Variants in COL28A1 observed in about 807,000 individuals in gnomAD.
COL28A1 encodes collagen type XXVIII alpha 1 chain, also known as collagen alpha-1(XXVIII) chain.
A neutral mutation model predicts 150.2 loss-of-function variants in COL28A1; 161 were observed. The observed-to-expected ratio is 1.07, with a 90% CI of 0.94 to 1.22. The LOEUF (loss-of-function observed/expected upper bound fraction) is 1.22. COL28A1 is among the 50% of genes most tolerant of loss of function. The probability of loss-of-function intolerance (pLI) is 0.00; values close to 1 mark genes in which losing one functional copy is unlikely to be tolerated. For missense variants in COL28A1, 1,617 were observed against 1,388.3 expected (o/e 1.16, Z -2.62); for synonymous variants, 552 against 469.7 (o/e 1.18, Z -2.26).
intron 27 of COL28A1, among the ~76,000 whole-genome samples, chr7:7,405,797 T>C (rs984401998): frequency 2.0e-5 from 3 of 152,172 alleles, no homozygotes; most frequent in Non-Finnish European, 4.4e-5. Context: ...CAATATTGCA[T>C]AATGATTGGC....
chr7:7,461,044 T>C (rs1213293532), intron 15 of COL28A1, among the ~76,000 whole-genome samples: 2 of 152,308 alleles, frequency 1.3e-5, no homozygotes, highest in East Asian at 3.9e-4. Flanking sequence ...AGGGAATGGA[T>C]TGCTCCTGCA....
chr7:7,537,007 G>C (rs1308346821), upstream of COL28A1, among the ~76,000 whole-genome samples: 1 of 152,122 alleles, frequency 6.6e-6, no homozygotes, highest in Non-Finnish European at 1.5e-5. Context: ...AAGCTCTTAT[G>C]GCATATTCCT....
intron 14 of COL28A1, among the ~76,000 whole-genome samples, chr7:7,476,009 T>C (rs1393514003): frequency 6.6e-6 from 1 of 152,198 alleles, no homozygotes; most frequent in East Asian, 1.9e-4. Flanking sequence ...TTCCCTCTAG[T>C]AGAGATTTAG....
At chr7:7,349,078 A>G in the COL28A1 span, among the ~76,000 whole-genome samples, 3 of 152,058 alleles carry the variant, frequency 2.0e-5, no homozygotes, top group Non-Finnish European at 4.4e-5. Context: ...CTTCTTTTCA[A>G]TCAATTCAAA....
intron 33 of COL28A1, among the ~76,000 whole-genome samples, chr7:7,369,443 A>T (rs912427848): frequency 1.3e-5 from 2 of 152,250 alleles, no homozygotes; most frequent in Non-Finnish European, 2.9e-5. Context: ...ACAGAAATCA[A>T]ATTACCTGAA....
At chr7:7,407,062 C>T (rs1783529349) in intron 27 of COL28A1, among the ~76,000 whole-genome samples, 1 of 151,562 alleles carries the variant, frequency 6.6e-6, no homozygotes, top group Non-Finnish European at 1.5e-5. Flanking sequence ...GGTTAAATGA[C>T]AGATTTGATA....
intron 33 of COL28A1, among the ~76,000 whole-genome samples, chr7:7,365,046 A>G (rs148333191): frequency 8.5e-5 from 13 of 152,192 alleles, no homozygotes; most frequent in African/African-American, 2.4e-4. Flanking sequence ...CATGACTTCC[A>G]ACTCTAAAAG....
chr7:7,503,618 G>A (rs1780651841), intron 11 of COL28A1, among the ~76,000 whole-genome samples: 1 of 152,132 alleles, frequency 6.6e-6, no homozygotes, highest in South Asian at 2.1e-4. Context: ...TACATTCTGG[G>A]AGGCAAGATG....
At chr7:7,483,302 A>G (rs1779450849) in intron 13 of COL28A1, among the ~76,000 whole-genome samples, 1 of 152,230 alleles carries the variant, frequency 6.6e-6, no homozygotes, top group African/African-American at 2.4e-5. Flanking sequence ...TTTTTTATTT[A>G]TGACGGGTAT....
intron 11 of COL28A1, among the ~76,000 whole-genome samples, chr7:7,493,558 T>C (rs1467522845): frequency 2.0e-5 from 3 of 152,108 alleles, no homozygotes; most frequent in Admixed American, 6.5e-5. Flanking sequence ...CCCTTAGCAA[T>C]GTAGCTTCAC....
intron 3 of COL28A1, among the ~76,000 whole-genome samples, chr7:7,527,297 G>A (rs1471282158): frequency 1.3e-5 from 2 of 152,228 alleles, no homozygotes; most frequent in Non-Finnish European, 2.9e-5. Context: ...TAGGAAGGAG[G>A]TCCTAGGCCA....
intron 3 of COL28A1, among the ~76,000 whole-genome samples, chr7:7,528,358 T>C (rs573606232): frequency 1.8e-4 from 28 of 152,184 alleles, no homozygotes; most frequent in Non-Finnish European, 3.5e-4. Flanking sequence ...AATAAAAATA[T>C]ATTACATGTC....
rs373840985 is a variant in COL28A1, at chr7:7,358,792, C to T, written c.3219G>A (p.Leu1073=). Residue 1073 remains leucine (L), a synonymous_variant, in exon 35 of 35, where the codon TTG becomes TTA. Coordinates refer to ENST00000399429, the MANE Select transcript of COL28A1 (RefSeq NM_001037763.3). The part of the protein sequence containing the change: ...PVDGAEDPRC[L]EALKPGNCGE... ...CACAGTTTCCAGGCTTCAAGGCTTC[C>T]AAACATCTAGGATCTAGAGTGAGAA... The T allele has an allele frequency of 2.5e-5, 41 of 1,613,526 alleles. No homozygotes were observed. In the African/African-American group the frequency reaches 4.4e-4, roughly 17 times the overall value.
intron 27 of COL28A1, among the ~76,000 whole-genome samples, chr7:7,408,820 C>T (rs2128302925): frequency 6.6e-6 from 1 of 152,246 alleles, no homozygotes; most frequent in South Asian, 2.1e-4. Flanking sequence ...ATATACCTCA[C>T]ATCTCCATGT....
chr7:7,512,015 G>A (rs1484199912), intron 8 of COL28A1, among the ~76,000 whole-genome samples: 1 of 152,084 alleles, frequency 6.6e-6, no homozygotes, highest in Non-Finnish European at 1.5e-5. Context: ...GGTATACAAT[G>A]GAATATTATT....
Position 7,373,832 on chromosome 7 carries a change from TG to T in COL28A1, c.2360-287del, listed in dbSNP as rs1489853516. Among the ~76,000 whole-genome samples, 1 of 151,536 alleles carries T rather than the reference TG, an allele frequency of 6.6e-6. No homozygotes were observed. Among genetic ancestry groups the T allele is most frequent in the Non-Finnish European group, 1.5e-5 (1 of 67,920 alleles). ...CTCCAGCCTCAGCCTCCCGAGTAGC[TG>T]GGACTACAGGCGCCCGCCACCTCGC... On this transcript the variant is annotated intron_variant, in intron 31 of 34. Coordinates refer to ENST00000399429, the MANE Select transcript of COL28A1 (RefSeq NM_001037763.3). The surrounding 1 kb of genome is among the most constrained non-coding windows in gnomAD (Gnocchi z 4.1).
In COL28A1 at chr7:7,423,267, T is replaced by C. The variant is rs368294092; in HGVS notation, c.1999-3314A>G. ...AGATCAACTATGTGTTGATAATTGT[T>C]AAGGAAGTGTGATATGTAAATGAGA... On this transcript the variant is annotated intron_variant, in intron 25 of 34. Transcript: ENST00000399429. Among the ~76,000 whole-genome samples the C allele has an allele frequency of 8.5e-5, 13 of 152,308 alleles. 1 individual carries two copies. The highest frequency in any genetic ancestry group is 2.9e-4 in the African/African-American group (12 of 41,566).
At chr7:7,524,530 G>C (rs1357805649) in intron 3 of COL28A1, among the ~76,000 whole-genome samples, 1 of 152,040 alleles carries the variant, frequency 6.6e-6, no homozygotes, top group Admixed American at 6.6e-5. Context: ...TCCTTTATCA[G>C]CTCTGTAATC....
At chr7:7,515,124 G>A (rs541293160) in intron 8 of COL28A1, among the ~76,000 whole-genome samples, 1 of 152,250 alleles carries the variant, frequency 6.6e-6, no homozygotes, top group African/African-American at 2.4e-5. Context: ...TGGATGATAG[G>A]TGCATGTTCT....
Sources: gnomAD v4.1 joint callset for allele counts (sites outside exome capture counted in the v4.1 genomes callset) on GRCh38, gnomAD v4.1.1 for gene constraint, Gnocchi (gnomAD v3.1) non-coding constraint, MANE v1.5 for transcripts, NCBI Gene and HGNC (gene_info 2026-07-23, HGNC 2026-07-21) for gene names.